ACAN: variants seen among roughly 807,000 people sequenced by gnomAD.
ACAN encodes aggrecan, also known as aggrecan core protein.
Under a neutral mutation model 169.1 loss-of-function variants are expected in ACAN, and 47 were observed. The ratio of observed to expected loss-of-function variants is 0.28; its 90% CI spans 0.22 to 0.35. ACAN has a LOEUF of 0.35. ACAN is among the 10% of genes least tolerant of loss of function. The pLI is 1.00. For missense variants in ACAN, 2,716 were observed against 2,759.9 expected (o/e 0.98, Z 0.36); for synonymous variants, 1,115 against 1,112.2 (o/e 1.00, Z -0.05).
intron 1 of ACAN, among the ~76,000 whole-genome samples, chr15:88,815,982 G>A (rs1191990194): frequency 6.6e-6 from 1 of 152,146 alleles, no homozygotes; most frequent in Non-Finnish European, 1.5e-5. Context: ...ATCCTTCCTT[G>A]CCCCTTCCTG....
chr15:88,835,965 G>A (rs1458124025), intron 1 of ACAN, among the ~76,000 whole-genome samples: 1 of 152,206 alleles, frequency 6.6e-6, no homozygotes, highest in Non-Finnish European at 1.5e-5. Context: ...CTGAAAGATG[G>A]GAGGTTAGGT....
chr15:88,826,538 G>A (rs540069576), intron 1 of ACAN, among the ~76,000 whole-genome samples: 2 of 152,080 alleles, frequency 1.3e-5, no homozygotes, highest in South Asian at 2.1e-4. Flanking sequence ...TGGATGGAAG[G>A]TCCAGGAGTG....
Position 88,838,548 on chromosome 15 carries a change from C to A in ACAN, c.71-115C>A. The A allele has an allele frequency of 7.9e-7, 1 of 1,261,028 alleles. No individual in the cohort carries two copies. Among genetic ancestry groups the A allele is most frequent in the Non-Finnish European group, 1.1e-6 (1 of 905,670 alleles). 78.1% of individuals were successfully genotyped at this position (1,261,028 alleles called of 1,614,324 possible). ...CATCCCCATCATAGAGACAGACACA[C>A]TCATCGGATTTCGCTCTCTCAGGAG... On this transcript the variant is annotated intron_variant, in intron 2 of 18. Coordinates refer to ENST00000560601, the MANE Select transcript of ACAN (RefSeq NM_001369268.1). This position sits in a 1 kb window ranked among gnomAD's most constrained non-coding sequence, Gnocchi z 5.1.
chr15:88,841,584 G>A (rs17200392), intron 4 of ACAN, among the ~76,000 whole-genome samples, 156 bp from the exon 5 acceptor site: 5,249 of 152,250 alleles, frequency 0.034, 139 homozygotes, highest in Non-Finnish European at 0.054. Context: ...ATGATTCACT[G>A]TAAAAACAGA....
chr15:88,842,099 G>A (rs190918202), intron 5 of ACAN, among the ~76,000 whole-genome samples: 61 of 152,290 alleles, frequency 4.0e-4, no homozygotes, highest in Admixed American at 2.0e-3. Context: ...GTCTGATGTC[G>A]CCACTGGACC....
chr15:88,825,862 C>T (rs1414357701), intron 1 of ACAN, among the ~76,000 whole-genome samples: 1 of 152,320 alleles, frequency 6.6e-6, no homozygotes, highest in African/African-American at 2.4e-5. Flanking sequence ...CACAGGCCTT[C>T]GGCAAACCAA....
chr15:88,806,082 A>G (rs886472669), intron 1 of ACAN, among the ~76,000 whole-genome samples: 9 of 152,222 alleles, frequency 5.9e-5, no homozygotes, highest in Admixed American at 1.3e-4. Flanking sequence ...CGCTGGCTAC[A>G]TGGCTTTGAT....
intron 4 of ACAN, among the ~76,000 whole-genome samples, chr15:88,840,527 T>G (rs937826015): frequency 7.2e-5 from 11 of 152,210 alleles, no homozygotes; most frequent in African/African-American, 2.7e-4. Flanking sequence ...TCCATCCTTT[T>G]TGTTTTTAAT....
rs1234368904 is a variant in ACAN, at chr15:88,807,355, C to T, written c.-8+3546C>T. On this transcript the variant is annotated intron_variant, in intron 1 of 18. Coordinates refer to ENST00000560601, the MANE Select transcript of ACAN (RefSeq NM_001369268.1). This position sits in a 1 kb window ranked among gnomAD's most constrained non-coding sequence, Gnocchi z 4.0. ...AGCCTTCCTCTCCTGCTGTCAACGGCCTGGCCTCGTGGCCATGCTTCGTGT... is the reference window on the plus strand; with the variant it reads ...AGCCTTCCTCTCCTGCTGTCAACGGTCTGGCCTCGTGGCCATGCTTCGTGT... Among the ~76,000 whole-genome samples the T allele has an allele frequency of 6.6e-6, 1 of 152,248 alleles. No homozygotes were observed. Among genetic ancestry groups the T allele is most frequent in the African/African-American group, 2.4e-5 (1 of 41,452 alleles).
chr15:88,817,784 G>A (rs1469778860), intron 1 of ACAN, among the ~76,000 whole-genome samples: 4 of 149,916 alleles, frequency 2.7e-5, no homozygotes, highest in Non-Finnish European at 1.5e-5. Flanking sequence ...AGCCTGGGAG[G>A]CGGAGGTTGC....
In ACAN at chr15:88,851,700, C is replaced by T; in HGVS notation, c.2027-94C>T. The T allele has an allele frequency of 6.9e-7, 1 of 1,446,896 alleles. No homozygotes were observed. Among genetic ancestry groups the T allele is most frequent in the Non-Finnish European group, 9.2e-7 (1 of 1,092,200 alleles). 89.6% of individuals were successfully genotyped at this position (1,446,896 alleles called of 1,614,324 possible). ...TGAACTAGGAGGTGGGGCCTGGCCACCTCAGAGTCCCCTAGCTCCCCTCAA... is the reference window on the plus strand; with the variant it reads ...TGAACTAGGAGGTGGGGCCTGGCCATCTCAGAGTCCCCTAGCTCCCCTCAA... On this transcript the variant is annotated intron_variant, in intron 10 of 18. Transcript: ENST00000560601. This position sits in a 1 kb window ranked among gnomAD's most constrained non-coding sequence, Gnocchi z 4.3.
Position 88,839,075 on chromosome 15 carries a change from G to C in ACAN, c.454+29G>C. On this transcript the variant is annotated intron_variant, in intron 3 of 18. Coordinates refer to ENST00000560601, the MANE Select transcript of ACAN (RefSeq NM_001369268.1). The surrounding 1 kb of genome is among the most constrained non-coding windows in gnomAD (Gnocchi z 4.5). ...AGAGCCTCCCACAGGGACAGACGCT[G>C]CTTCACCCACATAAAGAACCAGAGC... 1 of 1,594,734 alleles carries C rather than the reference G, an allele frequency of 6.3e-7. No homozygotes were observed. The highest frequency in any genetic ancestry group is 1.8e-4 in the Middle Eastern group (1 of 5,556).
chr15:88,816,966 C>T (rs1427880964), intron 1 of ACAN, among the ~76,000 whole-genome samples: 1 of 152,144 alleles, frequency 6.6e-6, no homozygotes, highest in African/African-American at 2.4e-5. Flanking sequence ...TTTTAACACA[C>T]CAGGAGCCTA....
rs1350822694 is a variant in ACAN, at chr15:88,849,890, T to C, written c.2026+159T>C. On this transcript the variant is annotated intron_variant, in intron 10 of 18. Transcript: ENST00000560601. The surrounding 1 kb of genome is among the most constrained non-coding windows in gnomAD (Gnocchi z 5.1). ...GCTCTGAAACCAGCACAACGCAGGCTTTGACCCCAAGGCAAGGTCATCCTT... is the reference window on the plus strand; with the variant it reads ...GCTCTGAAACCAGCACAACGCAGGCCTTGACCCCAAGGCAAGGTCATCCTT... 6 of 1,067,936 alleles carry C rather than the reference T, an allele frequency of 5.6e-6. No homozygotes were observed. The South Asian group carries it at 8.0e-5, about 14-fold the overall frequency. 66.2% of individuals were successfully genotyped at this position (1,067,936 alleles called of 1,614,324 possible).
intron 11 of ACAN, 52 bp from the exon 12 acceptor site, chr15:88,854,800 T>G: frequency 7.3e-7 from 1 of 1,369,494 alleles, no homozygotes; most frequent in Non-Finnish European, 9.5e-7. Context: ...GAGCTTAAAG[T>G]GGGGCAGAGT....
Position 88,846,168 on chromosome 15 carries a change from G to A in ACAN, c.1429+286G>A, listed in dbSNP as rs76308636. ...GCCACATAGTTCTAAGGGAAGTAGC[G>A]TGGAGAACAACTGGGCTCCTTCTGT... On this transcript the variant is annotated intron_variant, in intron 7 of 18. Transcript: ENST00000560601. 0.021 allele frequency among the ~76,000 whole-genome samples: 3,246 copies of A among 152,234 alleles called. 120 individuals are homozygous for A. The highest frequency in any genetic ancestry group is 0.074 in the African/African-American group (3,069 of 41,510).
At position 88,868,262 on chromosome 15, in the gene ACAN, C is replaced by A. The variant is rs986742379; in HGVS notation, c.6993C>A (p.Cys2331Ter). 2 of 702,672 alleles carry A rather than the reference C, an allele frequency of 2.8e-6. No individual in the cohort carries two copies. The highest frequency in any genetic ancestry group is 3.5e-5 in the African/African-American group (2 of 57,252). 43.5% of individuals were successfully genotyped at this position (702,672 alleles called of 1,614,324 possible). Residue 2331 changes from cysteine (C) to a stop codon, truncating the protein, a stop_gained, in exon 14 of 19, where the codon TGC becomes TGA. Coordinates refer to ENST00000560601, the MANE Select transcript of ACAN (RefSeq NM_001369268.1). LOFTEE classifies it high-confidence loss of function. This position sits in a 1 kb window ranked among gnomAD's most constrained non-coding sequence, Gnocchi z 5.2. Reference sequence around the variant, plus strand: ...GCCCTTGTCTGAATGGAGCCACCTGCGTGGATGCCATCGACTCTTTCACAT... The same window carrying A: ...GCCCTTGTCTGAATGGAGCCACCTGAGTGGATGCCATCGACTCTTTCACAT... ...LSSPCLNGAT[C>*]VDAIDSFTCL...
Position 88,849,524 on chromosome 15 carries a change from A to G in ACAN, c.1819A>G (p.Thr607Ala). The G allele has an allele frequency of 6.2e-7, 1 of 1,606,176 alleles. No individual in the cohort carries two copies. Among genetic ancestry groups the G allele is most frequent in the Non-Finnish European group, 8.5e-7 (1 of 1,176,406 alleles). Residue 607 changes from threonine (T) to alanine (A), a missense_variant, in exon 10 of 19, where the codon ACC becomes GCC. By Grantham distance (58) the Thr-to-Ala change is moderately conservative. This residue lies in a region of ACAN where 1,283 missense variants were observed against 1,281.5 expected (regional missense o/e 1.00). Coordinates refer to ENST00000560601, the MANE Select transcript of ACAN (RefSeq NM_001369268.1). This position sits in a 1 kb window ranked among gnomAD's most constrained non-coding sequence, Gnocchi z 5.1. Reference protein sequence around the residue: ...FCESHNATLATTGQLYAAWSR... With the variant: ...FCESHNATLAATGQLYAAWSR... ...TGAATCTCACAATGCTACGCTGGCC[A>G]CCACGGGCCAGCTCTACGCCGCCTG...
At chr15:88,848,213 A>C (rs1292207755) in intron 9 of ACAN, among the ~76,000 whole-genome samples, 175 bp downstream of exon 9, 1 of 152,144 alleles carries the variant, frequency 6.6e-6, no homozygotes, top group Non-Finnish European at 1.5e-5. Context: ...CCTCCCTCAG[A>C]TCTAGTGCCT....
Sources: allele counts gnomAD v4.1 joint callset (sites outside exome capture counted in the v4.1 genomes callset), GRCh38; gene constraint gnomAD v4.1.1; regional missense constraint gnomAD v4.1.1; non-coding constraint Gnocchi (gnomAD v3.1); transcripts MANE v1.5; gene names NCBI Gene and HGNC (gene_info 2026-07-23, HGNC 2026-07-21).